Variants in KIAA1328 observed in about 807,000 individuals in gnomAD.
KIAA1328 encodes protein hinderin.
Under a neutral mutation model 68.1 loss-of-function variants are expected in KIAA1328, and 52 were observed. The observed-to-expected ratio is 0.76, with a 90% confidence interval of 0.61 to 0.96. The LOEUF (loss-of-function observed/expected upper bound fraction) is 0.96, where lower values mean the gene tolerates loss of function less well. Ranked by LOEUF, KIAA1328 falls within the 40% of genes least tolerant of loss-of-function variation. KIAA1328 has a pLI of 0.00. For missense variants in KIAA1328, 641 were observed against 677.6 expected, an observed-to-expected ratio of 0.95 and a Z score of 0.60; for synonymous variants, 232 against 239.4, an observed-to-expected ratio of 0.97 and a Z score of 0.28.
chr18:37,001,957 C>T (rs977219750), intron 6 of KIAA1328, among the ~76,000 whole-genome samples: 1 of 152,066 alleles, frequency 6.6e-6, no homozygotes, highest in African/African-American at 2.4e-5. Flanking sequence ...AACAAGGATG[C>T]CCACTTGCAG....
intron 8 of KIAA1328, among the ~76,000 whole-genome samples, chr18:37,166,167 G>A (rs2059385697): frequency 6.6e-6 from 1 of 151,602 alleles, no homozygotes; most frequent in South Asian, 2.1e-4. Flanking sequence ...TCTCTCCCAA[G>A]AAACACTGAA....
At chr18:36,944,390 A>G (rs1306258798) in intron 5 of KIAA1328, among the ~76,000 whole-genome samples, 1 of 152,132 alleles carries the variant, frequency 6.6e-6, no homozygotes, top group East Asian at 1.9e-4. Flanking sequence ...CATCCTGGCT[A>G]ACACGGTGAA....
intron 5 of KIAA1328, among the ~76,000 whole-genome samples, chr18:36,927,339 G>C (rs1239256654): frequency 2.6e-5 from 4 of 152,156 alleles, no homozygotes; most frequent in Non-Finnish European, 4.4e-5. Context: ...AAAATAAAAA[G>C]CTTATTAAAA....
At chr18:37,037,686 C>T (rs1165179373) in intron 6 of KIAA1328, among the ~76,000 whole-genome samples, 2 of 150,454 alleles carry the variant, frequency 1.3e-5, no homozygotes, top group Admixed American at 1.3e-4. Context: ...GAGATCAAGA[C>T]CAACCTGGCC....
In KIAA1328 at chr18:37,033,470, TTTCTC is replaced by T. The variant is rs139473814; in HGVS notation, c.577-33418_577-33414del. On this transcript the variant is annotated intron_variant, in intron 6 of 9. Transcript: ENST00000280020. ...TTAAGGCTAGTCTGTAGGGTAGTCTTTTCTCTAACAACTGCTTAGCTCTTTCTGGT... is the reference window on the plus strand; with the variant it reads ...TTAAGGCTAGTCTGTAGGGTAGTCTTTAACAACTGCTTAGCTCTTTCTGGT... 1.0e-3 allele frequency among the ~76,000 whole-genome samples: 154 copies of T among 152,320 alleles called. 2 individuals carry two copies. In the East Asian group the frequency reaches 0.024, roughly 23 times the overall value.
At chr18:37,085,650 A>G (rs2057080822) in intron 7 of KIAA1328, among the ~76,000 whole-genome samples, 1 of 152,092 alleles carries the variant, frequency 6.6e-6, no homozygotes, top group Non-Finnish European at 1.5e-5. Context: ...TCTAGTATTT[A>G]TATCCATATT....
chr18:37,006,318 G>T (rs540846630), intron 6 of KIAA1328, among the ~76,000 whole-genome samples: 90 of 151,854 alleles, frequency 5.9e-4, no homozygotes, highest in African/African-American at 2.0e-3. Flanking sequence ...AAGTAGATTT[G>T]TCTGAGTCTC....
At chr18:37,173,355 G>A (rs560813183) in intron 9 of KIAA1328, among the ~76,000 whole-genome samples, 3 of 152,246 alleles carry the variant, frequency 2.0e-5, no homozygotes, top group Non-Finnish European at 4.4e-5. Flanking sequence ...TTTAGCAGCA[G>A]GGCTTTCCTA....
chr18:37,071,949 C>A lies in KIAA1328; in HGVS notation c.1232+4404C>A, dbSNP rs558269369. Reference sequence around the variant, plus strand: ...TTACAATCTGAACAACAGAAATAGACTAAACCAAAAAAAGCCTAAACAGAG... The same window carrying A: ...TTACAATCTGAACAACAGAAATAGAATAAACCAAAAAAAGCCTAAACAGAG... On this transcript the variant is annotated intron_variant, in intron 7 of 9. Transcript: ENST00000280020. 2.6e-5 allele frequency among the ~76,000 whole-genome samples: 4 copies of A among 151,976 alleles called. No individual in the cohort carries two copies. The East Asian group carries it at 7.7e-4, about 29-fold the overall frequency.
intron 5 of KIAA1328, among the ~76,000 whole-genome samples, chr18:36,917,578 T>G (rs552462640): frequency 6.6e-6 from 1 of 152,160 alleles, no homozygotes; most frequent in South Asian, 2.1e-4. Context: ...CAAACTCTTG[T>G]TTTCTGAAAT....
intron 1 of KIAA1328, among the ~76,000 whole-genome samples, chr18:36,829,984 G>A (rs986156356): frequency 6.6e-6 from 1 of 152,102 alleles, no homozygotes; most frequent in African/African-American, 2.4e-5. Context: ...CTTGAGCTTT[G>A]GTCCTGATAA....
chr18:37,095,817 T>A (rs2057388969), intron 7 of KIAA1328, among the ~76,000 whole-genome samples: 1 of 152,106 alleles, frequency 6.6e-6, no homozygotes, highest in South Asian at 2.1e-4. Context: ...ACATTACAAC[T>A]GATATCACAG....
intron 6 of KIAA1328, among the ~76,000 whole-genome samples, chr18:37,043,897 C>T (rs575637675): frequency 6.6e-6 from 1 of 152,244 alleles, no homozygotes; most frequent in African/African-American, 2.4e-5. Flanking sequence ...CAGACACCTA[C>T]CTGCCTCATC....
chr18:36,860,446 A>G (rs2047528068), intron 4 of KIAA1328, among the ~76,000 whole-genome samples: 1 of 152,114 alleles, frequency 6.6e-6, no homozygotes, highest in Non-Finnish European at 1.5e-5. Flanking sequence ...TTATACAATT[A>G]TAGCTGCATT....
chr18:36,898,519 G>C (rs1397659632), intron 5 of KIAA1328, among the ~76,000 whole-genome samples: 1 of 151,938 alleles, frequency 6.6e-6, no homozygotes, highest in African/African-American at 2.4e-5. Context: ...ACTTGAGAAT[G>C]TTTTATGAAA....
At chr18:37,003,985 C>T (rs928323252) in intron 6 of KIAA1328, among the ~76,000 whole-genome samples, 4 of 151,962 alleles carry the variant, frequency 2.6e-5, no homozygotes, top group Non-Finnish European at 5.9e-5. Flanking sequence ...TTTGGTGACT[C>T]TGGCCCTATA....
Position 37,172,974 on chromosome 18 carries a change from G to T in KIAA1328, c.1416G>T (p.Gly472=). The change falls in exon 9 of 10, where the codon GGG becomes GGT. Residue 472 remains glycine (G), a splice_region_variant and synonymous_variant. Coordinates refer to ENST00000280020, the MANE Select transcript of KIAA1328 (RefSeq NM_020776.3). ...QKKDTCRPQR[G]TVTGVRKDAS... ...TTATTTTCTTTATTTTTCATATAGGGACAGTGACAGGAGTTAGAAAAGATG... is the reference window on the plus strand; with the variant it reads ...TTATTTTCTTTATTTTTCATATAGGTACAGTGACAGGAGTTAGAAAAGATG... The T allele has an allele frequency of 6.2e-7, 1 of 1,603,400 alleles. No homozygotes were observed. Among genetic ancestry groups the T allele is most frequent in the Non-Finnish European group, 8.5e-7 (1 of 1,174,518 alleles).
chr18:37,186,517 T>G (rs2059803426), intron 9 of KIAA1328, among the ~76,000 whole-genome samples: 1 of 131,852 alleles, frequency 7.6e-6, no homozygotes, highest in Non-Finnish European at 1.5e-5. Context: ...CAGTGAGCCA[T>G]GATCACACCA....
downstream of KIAA1328, chr18:37,229,665 G>A (rs965349790): frequency 1.1e-5 from 7 of 656,172 alleles, no homozygotes; most frequent in Non-Finnish European, 1.6e-5. Flanking sequence ...ATGAGGTCAG[G>A]AGATCGAGAC....
Sources: gnomAD v4.1 joint callset for allele counts (sites outside exome capture counted in the v4.1 genomes callset) on GRCh38, gnomAD v4.1.1 for gene constraint, MANE v1.5 for transcripts, NCBI Gene and HGNC (gene_info 2026-07-23, HGNC 2026-07-21) for gene names.